BARD1: variants seen among roughly 807,000 people sequenced by gnomAD.
BARD1 encodes BRCA1 associated RING domain 1.
A neutral mutation model predicts 77.0 loss-of-function variants in BARD1; 73 were observed. The ratio of observed to expected loss-of-function variants is 0.95; its 90% CI spans 0.79 to 1.15. BARD1 has a LOEUF of 1.15. BARD1 is among the 50% of genes most tolerant of loss of function. The probability of loss-of-function intolerance (pLI) is 0.00; values close to 1 mark genes in which losing one functional copy is unlikely to be tolerated. For synonymous variants in BARD1, 384 were observed against 338.0 expected (o/e 1.14, Z -1.49); for missense variants, 993 against 938.8 (o/e 1.06, Z -0.75).
At chr2:214,782,004 C>T (rs7566806) in intron 3 of BARD1, among the ~76,000 whole-genome samples, 16 of 151,858 alleles carry the variant, frequency 1.1e-4, no homozygotes, top group Middle Eastern at 6.8e-3. Flanking sequence ...AAAATTTACA[C>T]GGAAAAAGAA....
intron 1 of BARD1, among the ~76,000 whole-genome samples, chr2:214,802,636 T>C (rs16852775): frequency 0.044 from 6,767 of 152,252 alleles, 243 homozygotes; most frequent in African/African-American, 0.098. Flanking sequence ...ACTGCAGGAT[T>C]TCAATAAGTT....
chr2:214,798,558 CTCTCT>C (rs1422906438), intron 1 of BARD1, among the ~76,000 whole-genome samples: 1 of 152,004 alleles, frequency 6.6e-6, no homozygotes, highest in Non-Finnish European at 1.5e-5. Flanking sequence ...CTTCAGGTTG[CTCTCT>C]ACCTTGAAAG....
chr2:214,797,378 A>C lies in BARD1; in HGVS notation c.159-261T>G, dbSNP rs75146556. Reference sequence around the variant, plus strand: ...AATGTATTTTCTAGAAAGTTGGAGAAAGGAACAATTTTGTTCAAGTATCTC... The same window carrying C: ...AATGTATTTTCTAGAAAGTTGGAGACAGGAACAATTTTGTTCAAGTATCTC... On this transcript the variant is annotated intron_variant, in intron 1 of 10. Coordinates refer to ENST00000260947, the MANE Select transcript of BARD1 (RefSeq NM_000465.4). Among the ~76,000 whole-genome samples, 1,976 of 152,328 alleles carry C rather than the reference A, an allele frequency of 0.013. 21 individuals carry two copies. Among genetic ancestry groups the C allele is most frequent in the South Asian group, 0.039 (189 of 4,828 alleles).
At chr2:214,737,333 T>C (rs1202857317) in intron 9 of BARD1, among the ~76,000 whole-genome samples, 1 of 152,186 alleles carries the variant, frequency 6.6e-6, no homozygotes, top group Non-Finnish European at 1.5e-5. Flanking sequence ...ACCTCTTTTA[T>C]AGATAAGGAA....
chr2:214,795,911 C>T (rs991577626), intron 2 of BARD1, among the ~76,000 whole-genome samples: 5 of 152,076 alleles, frequency 3.3e-5, no homozygotes, highest in Admixed American at 2.6e-4. Flanking sequence ...TCTCCTACCC[C>T]CCATCCTCCT....
chr2:214,788,419 A>T (rs1332417734), intron 3 of BARD1, among the ~76,000 whole-genome samples: 1 of 152,100 alleles, frequency 6.6e-6, no homozygotes, highest in East Asian at 1.9e-4. Context: ...AATCTGTTCA[A>T]GTATTTAGAA....
rs1692137457 is a variant in BARD1, at chr2:214,727,627, G to C, written c.*1049C>G. 8.6e-6 allele frequency: 2 copies of C among 231,360 alleles called. No homozygotes were observed. Among genetic ancestry groups the C allele is most frequent in the African/African-American group, 2.2e-5 (1 of 45,220 alleles). 14.3% of individuals were successfully genotyped at this position (231,360 alleles called of 1,614,324 possible). On this transcript the variant is annotated 3_prime_UTR_variant, in exon 11 of 11. Transcript: ENST00000260947. ...CTAAGGCCTTGCCTATTTGATATTA[G>C]TAAGCCCTCCCCATACCTACTTCTA...
Position 214,726,582 on chromosome 2 carries a change from C to T in BARD1, c.*2094G>A. The T allele has an allele frequency of 8.7e-6, 2 of 229,296 alleles. No homozygotes were observed. Among genetic ancestry groups the T allele is most frequent in the East Asian group, 1.3e-4 (2 of 15,994 alleles). 14.2% of individuals were successfully genotyped at this position (229,296 alleles called of 1,614,324 possible). The stretch of plus-strand genomic sequence containing the variant: ...GACTTCCTCACCAAGTCATGTTGAG[C>T]CTCATTCAACAGCACAGAATAAGCC... On this transcript the variant is annotated 3_prime_UTR_variant, in exon 11 of 11. Coordinates refer to ENST00000260947, the MANE Select transcript of BARD1 (RefSeq NM_000465.4).
rs987257156 is a variant in BARD1 at position 214,727,856 on chromosome 2, C to T, written c.*820G>A. On this transcript the variant is annotated 3_prime_UTR_variant, in exon 11 of 11. Transcript: ENST00000260947. ...ACTGCTTCTTAATTTAAAGTAATGA[C>T]GTTGGACTGACAATTTGCTAGACTG... 4 of 219,968 alleles carry T rather than the reference C, an allele frequency of 1.8e-5. No individual in the cohort carries two copies. The highest frequency in any genetic ancestry group is 2.7e-5 in the Non-Finnish European group (3 of 109,964). The allele number at this position is 219,968 out of a possible 1,614,324, so 13.6% of individuals were successfully genotyped here.
chr2:214,729,159 G>T, intron 10 of BARD1, 151 bp from the exon 11 acceptor site: 2 of 984,888 alleles, frequency 2.0e-6, no homozygotes, highest in East Asian at 2.6e-5. Flanking sequence ...AATTTTTTGG[G>T]TTTTGGAAAA....
chr2:214,807,635 G>A (rs1696334202), intron 1 of BARD1, among the ~76,000 whole-genome samples: 1 of 152,156 alleles, frequency 6.6e-6, no homozygotes, highest in African/African-American at 2.4e-5. Flanking sequence ...CCAATACCCA[G>A]AATAGGGTCT....
intron 9 of BARD1, among the ~76,000 whole-genome samples, chr2:214,739,239 A>G (rs1692702898): frequency 6.6e-6 from 1 of 151,978 alleles, no homozygotes; most frequent in African/African-American, 2.4e-5. Context: ...AATACAAAAT[A>G]TCCTAAAAAA....
rs558191807 is a variant in BARD1 at position 214,777,999 on chromosome 2, C to T, written c.1314+2561G>A. ...TCACCTGAGGTGAGGAGTTCGAGAC[C>T]AGCCTGGCCAACATGGTGAAACTCC... is the stretch of plus-strand genomic sequence containing the variant. On this transcript the variant is annotated intron_variant, in intron 4 of 10. Transcript: ENST00000260947. 2.6e-5 allele frequency among the ~76,000 whole-genome samples: 4 copies of T among 152,206 alleles called. No homozygotes were observed. In the East Asian group the frequency reaches 7.7e-4, roughly 29 times the overall value.
Position 214,727,909 on chromosome 2 carries a change from T to C in BARD1, c.*767A>G. The C allele has an allele frequency of 4.6e-6, 1 of 216,152 alleles. No homozygotes were observed. The highest frequency in any genetic ancestry group is 9.3e-6 in the Non-Finnish European group (1 of 107,362). 13.4% of individuals were successfully genotyped at this position (216,152 alleles called of 1,614,324 possible). A position where few individuals can be genotyped will look rare whatever the true frequency, so the allele number is the denominator to read the frequency against. On this transcript the variant is annotated 3_prime_UTR_variant, in exon 11 of 11. Transcript: ENST00000260947. Reference sequence around the variant, plus strand: ...CAGACCTTTTAAAAAATACTAACATTAAAATGTGTTAGAGAAAATGCTCTA... The same window carrying C: ...CAGACCTTTTAAAAAATACTAACATCAAAATGTGTTAGAGAAAATGCTCTA...
At chr2:214,761,026 G>C (rs1271904442) in intron 6 of BARD1, among the ~76,000 whole-genome samples, 1 of 150,954 alleles carries the variant, frequency 6.6e-6, no homozygotes, top group Non-Finnish European at 1.5e-5. Context: ...CACCCGCCTT[G>C]GCTTCTCAAT....
chr2:214,760,844 G>A (rs1352991812), intron 6 of BARD1, among the ~76,000 whole-genome samples: 7 of 149,976 alleles, frequency 4.7e-5, no homozygotes, highest in African/African-American at 9.9e-5. Flanking sequence ...GTGCGGTCTC[G>A]GCTCACTGCA....
chr2:214,760,558 C>G (rs141045724), intron 6 of BARD1, among the ~76,000 whole-genome samples: 1 of 152,146 alleles, frequency 6.6e-6, no homozygotes, highest in African/African-American at 2.4e-5. Flanking sequence ...CCCTCTTATA[C>G]AAGCCTTCCT....
At chr2:214,802,397 G>A (rs1196006949) in intron 1 of BARD1, among the ~76,000 whole-genome samples, 2 of 152,112 alleles carry the variant, frequency 1.3e-5, no homozygotes, top group African/African-American at 4.8e-5. Flanking sequence ...ATGATGTTTG[G>A]TAGGGTATGT....
At chr2:214,776,778 C>T (rs1471006859) in intron 4 of BARD1, among the ~76,000 whole-genome samples, 1 of 152,190 alleles carries the variant, frequency 6.6e-6, no homozygotes, top group African/African-American at 2.4e-5. Context: ...AGTGGACACA[C>T]CTTGAGATGG....
Sources: allele counts gnomAD v4.1 joint callset (sites outside exome capture counted in the v4.1 genomes callset), GRCh38; gene constraint gnomAD v4.1.1; transcripts MANE v1.5; gene names NCBI Gene and HGNC (gene_info 2026-07-23, HGNC 2026-07-21).